The following TNFSF13 variants were observed in gnomAD, a reference collection of about 807,000 sequenced individuals.
The protein encoded by TNFSF13 is tumor necrosis factor ligand superfamily member 13.
TNFSF13 carries 18 observed loss-of-function variants against 30.7 expected under a neutral mutation model. The ratio of observed to expected loss-of-function variants is 0.59; its 90% CI spans 0.41 to 0.87. The LOEUF is 0.87. Among genes scored for constraint, TNFSF13 ranks in the 40% least tolerant of loss-of-function variants. The pLI is 0.00. For synonymous variants in TNFSF13, 116 were observed against 123.2 expected (o/e 0.94, Z 0.39); for missense variants, 286 against 308.8 (o/e 0.93, Z 0.55).
In TNFSF13 at chr17:7,559,880, C is replaced by G. The variant is rs138604224; in HGVS notation, c.372C>G (p.Asn124Lys). 158 of 1,614,002 alleles carry G rather than the reference C, an allele frequency of 9.8e-5. 1 individual carries two copies. The highest frequency in any genetic ancestry group is 1.2e-4 in the Non-Finnish European group (144 of 1,180,046). Residue 124 changes from asparagine to lysine, a missense_variant, in exon 3 of 6, where the codon AAC (asparagine) becomes AAG (lysine). By Grantham distance (94) the Asn-to-Lys change is moderately conservative. Coordinates refer to ENST00000338784, the MANE Select transcript of TNFSF13 (RefSeq NM_003808.4). The surrounding 1 kb of genome is among the most constrained non-coding windows in gnomAD (Gnocchi z 5.4). ...CTGTCCTGCACCTGGTTCCCATTAA[C>G]GCCACCTCCAAGGGTGAGCACTATT... The part of the protein sequence containing the change: ...QHSVLHLVPI[N>K]ATSKDDSDVT...
Position 7,560,105 on chromosome 17 carries a change from C to T in TNFSF13, c.442C>T (p.Leu148=). ...WQPALRRGRG[L]QAQGYGVRIQ... ...ACCAGCTCTTAGGCGTGGGAGAGGC[C>T]TACAGGCCCAAGGATATGGTGTCCG... The change falls in exon 4 of 6, where the codon CTA becomes TTA. Residue 148 remains leucine (L), a synonymous_variant. Coordinates refer to ENST00000338784, the MANE Select transcript of TNFSF13 (RefSeq NM_003808.4). The T allele has an allele frequency of 6.2e-7, 1 of 1,614,130 alleles. No individual in the cohort carries two copies. The highest frequency in any genetic ancestry group is 2.2e-5 in the East Asian group (1 of 44,872).
At position 7,559,482 on chromosome 17, in the gene TNFSF13, G is replaced by A. The variant is rs780590744; in HGVS notation, c.259-142G>A. ...TTCTCATACCTAACAAATCCTGGAG[G>A]GCAGCCAGCACCAACACTCAGGGTG... On this transcript the variant is annotated intron_variant, in intron 1 of 5. Transcript: ENST00000338784. This position sits in a 1 kb window ranked among gnomAD's most constrained non-coding sequence, Gnocchi z 5.4. 4.4e-6 allele frequency: 6 copies of A among 1,376,692 alleles called. No homozygotes were observed. The highest frequency in any genetic ancestry group is 1.4e-5 in the South Asian group (1 of 70,036). The allele number at this position is 1,376,692 out of a possible 1,614,324, so 85.3% of individuals were successfully genotyped here.
rs1456316817 is a variant in TNFSF13, at chr17:7,560,256, C to A, written c.504+89C>A. The stretch of plus-strand genomic sequence containing the variant: ...ACCCCTCTATTCATACCAAACCCAG[C>A]AGACCCTTCTTTCTTCCCTCGTTAG... On this transcript the variant is annotated intron_variant, in intron 4 of 5. Coordinates refer to ENST00000338784, the MANE Select transcript of TNFSF13 (RefSeq NM_003808.4). 4 of 1,610,662 alleles carry A rather than the reference C, an allele frequency of 2.5e-6. No individual in the cohort carries two copies. In the African/African-American group the frequency reaches 5.4e-5, roughly 22 times the overall value.
chr17:7,560,110 G>C lies in TNFSF13; in HGVS notation c.447G>C (p.Gln149His), dbSNP rs771481324. The part of the protein sequence containing the change: ...QPALRRGRGL[Q>H]AQGYGVRIQD... ...CTCTTAGGCGTGGGAGAGGCCTACA[G>C]GCCCAAGGATATGGTGTCCGAATCC... Residue 149 changes from glutamine (Q) to histidine (H), a missense_variant, in exon 4 of 6, where the codon CAG (glutamine) becomes CAC (histidine). Gln to His is a conservative substitution (Grantham distance 24). Coordinates refer to ENST00000338784, the MANE Select transcript of TNFSF13 (RefSeq NM_003808.4). 1 of 1,614,056 alleles carries C rather than the reference G, an allele frequency of 6.2e-7. No homozygotes were observed. Among genetic ancestry groups the C allele is most frequent in the Admixed American group, 1.7e-5 (1 of 60,012 alleles).
chr17:7,560,758 T>C lies in TNFSF13; in HGVS notation c.678T>C (p.Ser226=). The C allele has an allele frequency of 6.2e-7, 1 of 1,614,156 alleles. No homozygotes were observed. Among genetic ancestry groups the C allele is most frequent in the Non-Finnish European group, 8.5e-7 (1 of 1,180,020 alleles). Residue 226 remains serine (S), a synonymous_variant, in exon 6 of 6, where the codon AGT becomes AGC. Transcript: ENST00000338784. The stretch of plus-strand genomic sequence containing the variant: ...ATTTACACCAAGGGGATATTCTGAG[T>C]GTCATAATTCCCCGGGCAAGGGCGA... ...VFHLHQGDIL[S]VIIPRARAKL...
In TNFSF13 at chr17:7,559,976, T is replaced by TA; in HGVS notation, c.386-72dup. 6.2e-7 allele frequency: 1 copy of TA among 1,613,904 alleles called. No individual in the cohort carries two copies. Among genetic ancestry groups the TA allele is most frequent in the Non-Finnish European group, 8.5e-7 (1 of 1,179,942 alleles). On this transcript the variant is annotated intron_variant, in intron 3 of 5. Coordinates refer to ENST00000338784, the MANE Select transcript of TNFSF13 (RefSeq NM_003808.4). The surrounding 1 kb of genome is among the most constrained non-coding windows in gnomAD (Gnocchi z 5.4). ...GGCACTTGGGCTCAAGGGGTCCTTA[T>TA]AGGTGAAAGGGAAAGAACCAAAAAG...
Position 7,560,714 on chromosome 17 carries a change from CTT to C in TNFSF13, c.644-7_644-6del, listed in dbSNP as rs746136213. 1.2e-6 allele frequency: 2 copies of C among 1,614,052 alleles called. No individual in the cohort carries two copies. Among genetic ancestry groups the C allele is most frequent in the Non-Finnish European group, 1.7e-6 (2 of 1,180,036 alleles). On this transcript the variant is annotated splice_region_variant and splice_polypyrimidine_tract_variant and intron_variant, in intron 5 of 5. Coordinates refer to ENST00000338784, the MANE Select transcript of TNFSF13 (RefSeq NM_003808.4). ...GCTTCACTGCGAATCTACTTTCTCT[CTT>C]TTCTCAGGTGTCTTCCATTTACACC... is the stretch of plus-strand genomic sequence containing the variant.
At position 7,559,103 on chromosome 17, in the gene TNFSF13, G is replaced by C. The variant is rs138476542; in HGVS notation, c.64G>C (p.Val22Leu). The C allele has an allele frequency of 1.4e-4, 229 of 1,601,484 alleles. No individual in the cohort carries two copies. The highest frequency in any genetic ancestry group is 1.9e-4 in the Non-Finnish European group (219 of 1,170,808). The change falls in exon 1 of 6, where the codon GTC becomes CTC. Residue 22 changes from valine to leucine, a missense_variant. By Grantham distance (32) the Val-to-Leu change is conservative. Transcript: ENST00000338784. The surrounding 1 kb of genome is among the most constrained non-coding windows in gnomAD (Gnocchi z 5.4). Reference protein sequence around the residue: ...KGPPGNMGGPVREPALSVALW... With the variant: ...KGPPGNMGGPLREPALSVALW... ...GCCTCCAGGCAACATGGGGGGCCCAGTCAGAGAGCCGGCACTCTCAGTTGC... is the reference window on the plus strand; with the variant it reads ...GCCTCCAGGCAACATGGGGGGCCCACTCAGAGAGCCGGCACTCTCAGTTGC...
Position 7,559,681 on chromosome 17 carries a change from G to C in TNFSF13, c.316G>C (p.Val106Leu). The stretch of plus-strand genomic sequence containing the variant: ...GGAGAGATCCCGGAAAAGGAGAGCA[G>C]TGCTCACCCAAAAACAGAAGAGTGA... ...NGERSRKRRA[V>L]LTQKQKKQHS... The change falls in exon 2 of 6, where the codon GTG becomes CTG. Residue 106 changes from valine (V) to leucine (L), a missense_variant. Transcript: ENST00000338784. This position sits in a 1 kb window ranked among gnomAD's most constrained non-coding sequence, Gnocchi z 5.4. 1 of 1,613,896 alleles carries C rather than the reference G, an allele frequency of 6.2e-7. No homozygotes were observed. The highest frequency in any genetic ancestry group is 8.5e-7 in the Non-Finnish European group (1 of 1,179,950).
chr17:7,560,984 A>G lies in TNFSF13; in HGVS notation c.*151A>G. ...CCCCGTTCCTCACTTTTCCCTTTTC[A>G]TTCCCACCCCCTAGACTTTGATTTT... On this transcript the variant is annotated 3_prime_UTR_variant, in exon 6 of 6. Transcript: ENST00000338784. The G allele has an allele frequency of 6.2e-7, 1 of 1,614,056 alleles. No homozygotes were observed. Among genetic ancestry groups the G allele is most frequent in the South Asian group, 1.1e-5 (1 of 91,078 alleles).
rs759482798 is a variant in TNFSF13, at chr17:7,559,802, G to C, written c.338-44G>C. The C allele has an allele frequency of 2.5e-6, 4 of 1,614,096 alleles. No individual in the cohort carries two copies. The highest frequency in any genetic ancestry group is 3.3e-5 in the Admixed American group (2 of 60,024). Reference sequence around the variant, plus strand: ...GGGTGGAGGCTGCCAACAGCACAACGGGGGAAAGTGGATGCGGCTGAGATT... The same window carrying C: ...GGGTGGAGGCTGCCAACAGCACAACCGGGGAAAGTGGATGCGGCTGAGATT... On this transcript the variant is annotated intron_variant, in intron 2 of 5. Transcript: ENST00000338784. This position sits in a 1 kb window ranked among gnomAD's most constrained non-coding sequence, Gnocchi z 5.4.
chr17:7,559,003 C>T lies in TNFSF13; in HGVS notation c.-37C>T. On this transcript the variant is annotated 5_prime_UTR_variant, in exon 1 of 6. Transcript: ENST00000338784. This position sits in a 1 kb window ranked among gnomAD's most constrained non-coding sequence, Gnocchi z 5.4. ...GCCCCGCCACCTCCTTGCTACCCCA[C>T]TCTTGAAACCACAGCTGTTGGCAGG... 1 of 1,492,090 alleles carries T rather than the reference C, an allele frequency of 6.7e-7. No individual in the cohort carries two copies. The highest frequency in any genetic ancestry group is 9.0e-7 in the Non-Finnish European group (1 of 1,116,464). The allele number at this position is 1,492,090 out of a possible 1,614,324, so 92.4% of individuals were successfully genotyped here.
Position 7,561,096 on chromosome 17 carries a change from C to T in TNFSF13, c.*263C>T, listed in dbSNP as rs6608. ...GCGGGGGACGGGCGCCAGGCATTGT[C>T]CAGACCTGGTCGGGGCCCACTGGAA... On this transcript the variant is annotated 3_prime_UTR_variant, in exon 6 of 6. Coordinates refer to ENST00000338784, the MANE Select transcript of TNFSF13 (RefSeq NM_003808.4). This position sits in a 1 kb window ranked among gnomAD's most constrained non-coding sequence, Gnocchi z 4.4. The T allele has an allele frequency of 0.16, 258,987 of 1,596,328 alleles. 21,925 individuals carry two copies. The highest frequency in any genetic ancestry group is 0.17 in the African/African-American group (12,994 of 74,434).
At position 7,561,067 on chromosome 17, in the gene TNFSF13, AG is replaced by A; in HGVS notation, c.*238del. Reference sequence around the variant, plus strand: ...CCGAATTCTTGCGTGTGTGTAGATGAGGGGCGGGGGACGGGCGCCAGGCATT... The same window carrying A: ...CCGAATTCTTGCGTGTGTGTAGATGAGGGCGGGGGACGGGCGCCAGGCATT... On this transcript the variant is annotated 3_prime_UTR_variant, in exon 6 of 6. Coordinates refer to ENST00000338784, the MANE Select transcript of TNFSF13 (RefSeq NM_003808.4). The surrounding 1 kb of genome is among the most constrained non-coding windows in gnomAD (Gnocchi z 4.4). The A allele has an allele frequency of 6.3e-7, 1 of 1,575,150 alleles. No homozygotes were observed. Among genetic ancestry groups the A allele is most frequent in the South Asian group, 1.1e-5 (1 of 89,812 alleles).
In TNFSF13 at chr17:7,560,845, A is replaced by G; in HGVS notation, c.*12A>G. On this transcript the variant is annotated 3_prime_UTR_variant, in exon 6 of 6. Coordinates refer to ENST00000338784, the MANE Select transcript of TNFSF13 (RefSeq NM_003808.4). Reference sequence around the variant, plus strand: ...TTGTGAAACTGTGATTGTGTTATAAAAAGTGGCTCCCAGCTTGGAAGACCA... The same window carrying G: ...TTGTGAAACTGTGATTGTGTTATAAGAAGTGGCTCCCAGCTTGGAAGACCA... 1 of 1,613,764 alleles carries G rather than the reference A, an allele frequency of 6.2e-7. No individual in the cohort carries two copies. The highest frequency in any genetic ancestry group is 8.5e-7 in the Non-Finnish European group (1 of 1,179,742).
At position 7,558,867 on chromosome 17, in the gene TNFSF13, A is replaced by C; in HGVS notation, c.-173A>C. 4 of 693,428 alleles carry C rather than the reference A, an allele frequency of 5.8e-6. No homozygotes were observed. Among genetic ancestry groups the C allele is most frequent in the Non-Finnish European group, 8.8e-6 (4 of 456,236 alleles). The allele number at this position is 693,428 out of a possible 1,614,324, so 43.0% of individuals were successfully genotyped here. ...ACGACGGAGTGCCAGGAGCACTAAC[A>C]GTACCCTTAGCTTGCTTTCCTCCTC... is the stretch of plus-strand genomic sequence containing the variant. On this transcript the variant is annotated 5_prime_UTR_variant, in exon 1 of 6. Coordinates refer to ENST00000338784, the MANE Select transcript of TNFSF13 (RefSeq NM_003808.4). This position sits in a 1 kb window ranked among gnomAD's most constrained non-coding sequence, Gnocchi z 4.3.
Position 7,559,141 on chromosome 17 carries a change from T to C in TNFSF13, c.102T>C (p.Ser34=), listed in dbSNP as rs546740797. Residue 34 remains serine, a synonymous_variant, in exon 1 of 6, where the codon AGT becomes AGC. Transcript: ENST00000338784. This position sits in a 1 kb window ranked among gnomAD's most constrained non-coding sequence, Gnocchi z 5.4. ...EPALSVALWL[S]WGAALGAVAC... ...CACTCTCAGTTGCCCTCTGGTTGAGTTGGGGGGCAGCTCTGGGGGCCGTGG... is the reference window on the plus strand; with the variant it reads ...CACTCTCAGTTGCCCTCTGGTTGAGCTGGGGGGCAGCTCTGGGGGCCGTGG... The C allele has an allele frequency of 1.2e-6, 2 of 1,610,176 alleles. No individual in the cohort carries two copies. The highest frequency in any genetic ancestry group is 1.3e-5 in the African/African-American group (1 of 74,944).
Position 7,559,479 on chromosome 17 carries a change from G to A in TNFSF13, c.259-145G>A. On this transcript the variant is annotated intron_variant, in intron 1 of 5. Coordinates refer to ENST00000338784, the MANE Select transcript of TNFSF13 (RefSeq NM_003808.4). This position sits in a 1 kb window ranked among gnomAD's most constrained non-coding sequence, Gnocchi z 5.4. Reference sequence around the variant, plus strand: ...TGCTTCTCATACCTAACAAATCCTGGAGGGCAGCCAGCACCAACACTCAGG... The same window carrying A: ...TGCTTCTCATACCTAACAAATCCTGAAGGGCAGCCAGCACCAACACTCAGG... 1 of 1,376,752 alleles carries A rather than the reference G, an allele frequency of 7.3e-7. No individual in the cohort carries two copies. Among genetic ancestry groups the A allele is most frequent in the Non-Finnish European group, 9.8e-7 (1 of 1,024,876 alleles). 85.3% of individuals were successfully genotyped at this position (1,376,752 alleles called of 1,614,324 possible). A position where few individuals can be genotyped will look rare whatever the true frequency, so the allele number is the denominator to read the frequency against.
chr17:7,559,159 G>A lies in TNFSF13; in HGVS notation c.120G>A (p.Gly40=). ...ALWLSWGAAL[G]AVACAMALLT... ...GGTTGAGTTGGGGGGCAGCTCTGGG[G>A]GCCGTGGCTTGTGCCATGGCTCTGC... The change falls in exon 1 of 6, where the codon GGG becomes GGA. Residue 40 remains glycine (G), a synonymous_variant. Transcript: ENST00000338784. This position sits in a 1 kb window ranked among gnomAD's most constrained non-coding sequence, Gnocchi z 5.4. 1.2e-6 allele frequency: 2 copies of A among 1,612,734 alleles called. No homozygotes were observed. The highest frequency in any genetic ancestry group is 1.7e-6 in the Non-Finnish European group (2 of 1,179,318).
Sources: allele counts gnomAD v4.1 joint callset, GRCh38; gene constraint gnomAD v4.1.1; non-coding constraint Gnocchi (gnomAD v3.1); transcripts MANE v1.5; gene names NCBI Gene and HGNC (gene_info 2026-07-23, HGNC 2026-07-21).